MYO1B: variants seen among roughly 807,000 people sequenced by gnomAD.
The protein encoded by MYO1B is unconventional myosin-Ib.
In MYO1B, 72 loss-of-function variants were observed where a neutral mutation model predicts 159.7. The ratio of observed to expected loss-of-function variants is 0.45; its 90% CI spans 0.37 to 0.55. The LOEUF is 0.55. MYO1B is among the 20% of genes least tolerant of loss of function. MYO1B has a pLI of 0.00. For synonymous variants in MYO1B, 468 were observed against 473.8 expected (o/e 0.99, Z 0.16); for missense variants, 1,062 against 1,364.8 (o/e 0.78, Z 3.50).
At chr2:191,260,254 C>CTTTTTTTTTTTTTTTTTTTTTTTTGT (rs57237733) in intron 1 of MYO1B, among the ~76,000 whole-genome samples, 1 of 60,962 alleles carries the variant, frequency 1.6e-5, no homozygotes, top group Non-Finnish European at 4.0e-5. Flanking sequence ...CCCAGATAGG[C>CTTTTTTTTTTTTTTTTTTTTTTTTGT]TTTTTTTTTT....
chr2:191,366,216 C>T (rs1016806950), intron 11 of MYO1B, among the ~76,000 whole-genome samples: 1 of 152,130 alleles, frequency 6.6e-6, no homozygotes, highest in African/African-American at 2.4e-5. Context: ...GTGTTTTACT[C>T]TTGCTTTTTT....
chr2:191,268,573 A>G (rs1687277143), intron 1 of MYO1B, among the ~76,000 whole-genome samples: 1 of 152,234 alleles, frequency 6.6e-6, no homozygotes, highest in Non-Finnish European at 1.5e-5. Flanking sequence ...ATGTCTGACA[A>G]GAGGCTCAGT....
intron 13 of MYO1B, among the ~76,000 whole-genome samples, chr2:191,375,543 T>C (rs7558936): frequency 0.98 from 149,955 of 152,240 alleles, 73,891 homozygotes; most frequent in Middle Eastern, 1. Flanking sequence ...AGCCAGCAAT[T>C]CCTGAATCCC....
rs1366752446 is a variant in MYO1B at position 191,383,255 on chromosome 2, G to GA, written c.1291-24dup. 5.3e-6 allele frequency: 8 copies of GA among 1,496,542 alleles called. No individual in the cohort carries two copies. In the African/African-American group the frequency reaches 1.1e-4, roughly 21 times the overall value. 92.7% of individuals were successfully genotyped at this position (1,496,542 alleles called of 1,614,324 possible). A position where few individuals can be genotyped will look rare whatever the true frequency, so the allele number is the denominator to read the frequency against. ...GTCGTGGCTTCATCTTGTGTCATTG[G>GA]ATTTTGTTCTGTTTTGTCTTTTAGG... On this transcript the variant is annotated intron_variant, in intron 14 of 30. Coordinates refer to ENST00000392318, the MANE Select transcript of MYO1B (RefSeq NM_001130158.3).
At chr2:191,336,015 C>T (rs1691807203) in intron 4 of MYO1B, among the ~76,000 whole-genome samples, 2 of 152,116 alleles carry the variant, frequency 1.3e-5, no homozygotes, top group South Asian at 2.1e-4. Flanking sequence ...AACTCACTCC[C>T]ATGAATACAG....
intron 11 of MYO1B, among the ~76,000 whole-genome samples, chr2:191,365,342 C>T (rs1303242193): frequency 2.0e-5 from 3 of 152,206 alleles, no homozygotes; most frequent in Non-Finnish European, 4.4e-5. Context: ...CAGGCTTGCC[C>T]TCTGTTGCTG....
At chr2:191,255,332 G>A (rs950042410) in intron 1 of MYO1B, among the ~76,000 whole-genome samples, 2 of 152,198 alleles carry the variant, frequency 1.3e-5, no homozygotes, top group Non-Finnish European at 2.9e-5. Flanking sequence ...ATATGTATTC[G>A]TGGATTAGCA....
Position 191,424,176 on chromosome 2 carries a change from A to G in MYO1B, c.*216A>G. The G allele has an allele frequency of 1.9e-6, 1 of 531,716 alleles. No individual in the cohort carries two copies. The highest frequency in any genetic ancestry group is 1.9e-5 in the African/African-American group (1 of 52,830). The allele number at this position is 531,716 out of a possible 1,614,324, so 32.9% of individuals were successfully genotyped here. ...CTGGAGCAGGATTGTAGAAACTAAC[A>G]GTGTCTATTTTCATGTCTGATGTGT... On this transcript the variant is annotated 3_prime_UTR_variant, in exon 31 of 31. Coordinates refer to ENST00000392318, the MANE Select transcript of MYO1B (RefSeq NM_001130158.3).
intron 1 of MYO1B, among the ~76,000 whole-genome samples, chr2:191,274,951 A>T (rs1687659309): frequency 6.6e-6 from 1 of 152,052 alleles, no homozygotes; most frequent in Non-Finnish European, 1.5e-5. Context: ...TCTGTTGCCC[A>T]GGCTGGATTA....
rs1175433661 is a variant in MYO1B, at chr2:191,390,511, A to G, written c.1982+19A>G. The stretch of plus-strand genomic sequence containing the variant: ...CAGCCAGGTAAGAAATTCAGTGACC[A>G]TATTTAATAATGAATGTTTTAAGTG... On this transcript the variant is annotated intron_variant, in intron 18 of 30. Transcript: ENST00000392318. The G allele has an allele frequency of 1.2e-6, 2 of 1,603,658 alleles. No individual in the cohort carries two copies. The highest frequency in any genetic ancestry group is 1.7e-6 in the Non-Finnish European group (2 of 1,173,856).
chr2:191,399,110 A>C (rs945163481), intron 21 of MYO1B, among the ~76,000 whole-genome samples: 2 of 152,252 alleles, frequency 1.3e-5, no homozygotes, highest in South Asian at 2.1e-4. Flanking sequence ...CCAAAAAAAA[A>C]CGAAAACCAG....
Position 191,355,126 on chromosome 2 carries a change from G to T in MYO1B, c.562+4901G>T, listed in dbSNP as rs1156260773. Among the ~76,000 whole-genome samples, 3 of 152,314 alleles carry T rather than the reference G, an allele frequency of 2.0e-5. No individual in the cohort carries two copies. In the East Asian group the frequency reaches 5.8e-4, roughly 29 times the overall value. ...TGGGAATTCACTATCACCATCATGT[G>T]AATGAGCTTGGGTTAGCTGCTGGAT... is the stretch of plus-strand genomic sequence containing the variant. On this transcript the variant is annotated intron_variant, in intron 7 of 30. Transcript: ENST00000392318.
intron 2 of MYO1B, among the ~76,000 whole-genome samples, chr2:191,289,325 G>A (rs1389568381): frequency 2.0e-5 from 3 of 152,234 alleles, no homozygotes; most frequent in African/African-American, 7.2e-5. Flanking sequence ...CTAATGAAAA[G>A]AGAACAGATT....
intron 21 of MYO1B, among the ~76,000 whole-genome samples, chr2:191,397,825 A>T (rs1484931306): frequency 6.9e-6 from 1 of 144,552 alleles, no homozygotes; most frequent in Admixed American, 6.7e-5. Flanking sequence ...CGGGGGGCTG[A>T]CCACCCCACC....
intron 30 of MYO1B, among the ~76,000 whole-genome samples, chr2:191,421,354 T>A (rs2126198516): frequency 6.6e-6 from 1 of 151,684 alleles, no homozygotes; most frequent in Non-Finnish European, 1.5e-5. Context: ...ACTGTCATGA[T>A]CCACCGTGCC....
In MYO1B at chr2:191,282,095, T is replaced by G. The variant is rs544465798; in HGVS notation, c.135+5065T>G. Among the ~76,000 whole-genome samples the G allele has an allele frequency of 2.6e-5, 4 of 152,362 alleles. No individual in the cohort carries two copies. The South Asian group carries it at 8.3e-4, about 32-fold the overall frequency. On this transcript the variant is annotated intron_variant, in intron 2 of 30. Coordinates refer to ENST00000392318, the MANE Select transcript of MYO1B (RefSeq NM_001130158.3). ...TACTGATTAACACATTTATTTGAAG[T>G]TTCAAAACCACTTTTCATTTATACA...
chr2:191,255,160 C>T (rs1474122282), intron 1 of MYO1B, among the ~76,000 whole-genome samples: 1 of 152,076 alleles, frequency 6.6e-6, no homozygotes, highest in South Asian at 2.1e-4. Context: ...AACTCCTGGC[C>T]TCAAGTGATC....
chr2:191,355,225 C>T lies in MYO1B; in HGVS notation c.562+5000C>T, dbSNP rs538300986. Among the ~76,000 whole-genome samples, 108 of 152,286 alleles carry T rather than the reference C, an allele frequency of 7.1e-4. 1 individual carries two copies. Among genetic ancestry groups the T allele is most frequent in the African/African-American group, 2.5e-3 (102 of 41,560 alleles). ...TTAGCCCAGACGGCTGCCAGCCAGT[C>T]GCCAGCAGACAACCAACCCATGAGC... On this transcript the variant is annotated intron_variant, in intron 7 of 30. Coordinates refer to ENST00000392318, the MANE Select transcript of MYO1B (RefSeq NM_001130158.3).
chr2:191,310,360 G>A (rs528134292), intron 3 of MYO1B, among the ~76,000 whole-genome samples: 13 of 152,200 alleles, frequency 8.5e-5, no homozygotes, highest in Admixed American at 2.0e-4. Context: ...GTGCCACCAC[G>A]CCTGGCTAAT....
Sources: allele counts gnomAD v4.1 joint callset (sites outside exome capture counted in the v4.1 genomes callset), GRCh38; gene constraint gnomAD v4.1.1; transcripts MANE v1.5; gene names NCBI Gene and HGNC (gene_info 2026-07-23, HGNC 2026-07-21).